The following FGFR2 variants were observed in gnomAD, a reference collection of about 807,000 sequenced individuals.
FGFR2 encodes the protein BEK fibroblast growth factor receptor.
Under a neutral mutation model 95.9 loss-of-function variants are expected in FGFR2, and 19 were observed. The ratio of observed to expected loss-of-function variants is 0.20; its 90% confidence interval spans 0.14 to 0.29. The LOEUF is 0.29. FGFR2 is among the 10% of genes least tolerant of loss of function. The pLI is 1.00. For missense variants in FGFR2, 707 were observed against 1,056.9 expected, an observed-to-expected ratio of 0.67 and a Z score of 4.59; for synonymous variants, 392 against 393.3, an observed-to-expected ratio of 1.00 and a Z score of 0.04.
At chr10:121,487,808 C>T (rs183142333) in intron 14 of FGFR2, among the ~76,000 whole-genome samples, 183 bp downstream of exon 14, 3 of 152,288 alleles carry the variant, frequency 2.0e-5, no homozygotes, top group Non-Finnish European at 4.4e-5. Context: ...CTAAAATTGA[C>T]ATAATAGAGG....
chr10:121,550,212 T>C (rs1158929855), intron 5 of FGFR2, among the ~76,000 whole-genome samples: 1 of 152,148 alleles, frequency 6.6e-6, no homozygotes, highest in African/African-American at 2.4e-5. Context: ...TCCATGTACA[T>C]CCATGGGATG....
rs543338117 is a variant in FGFR2 at position 121,562,829 on chromosome 10, G to C, written c.454+1673C>G. Reference sequence around the variant, plus strand: ...TGCAGGTTCATCAACTGGAACAGATGTACCATTCTGGTGGGGATGTTGATA... The same window carrying C: ...TGCAGGTTCATCAACTGGAACAGATCTACCATTCTGGTGGGGATGTTGATA... On this transcript the variant is annotated intron_variant, in intron 4 of 17. Transcript: ENST00000358487. Among the ~76,000 whole-genome samples the C allele has an allele frequency of 2.0e-5, 3 of 152,362 alleles. No homozygotes were observed. The South Asian group carries it at 6.2e-4, about 32-fold the overall frequency.
chr10:121,590,106 AG>A lies in FGFR2; in HGVS notation c.109+3602del, dbSNP rs1371634082. Among the ~76,000 whole-genome samples, 6 of 152,266 alleles carry A rather than the reference AG, an allele frequency of 3.9e-5. No homozygotes were observed. In the South Asian group the frequency reaches 1.2e-3, roughly 32 times the overall value. Reference sequence around the variant, plus strand: ...CTGGACCAACTCACGTTGGTCCAGGAGAGCATCACCTCTCAGAAGATTGACA... The same window carrying A: ...CTGGACCAACTCACGTTGGTCCAGGAAGCATCACCTCTCAGAAGATTGACA... On this transcript the variant is annotated intron_variant, in intron 2 of 17. Transcript: ENST00000358487.
rs531433936 is a variant in FGFR2, at chr10:121,480,338, A to C, written c.2302-317T>G. ...CTATTGACAGGTAGAGAACAATAAA[A>C]CCTAGTTGAGCTATAGGTGCTGGGC... On this transcript the variant is annotated intron_variant, in intron 17 of 17. Transcript: ENST00000358487. 3.5e-4 allele frequency: 158 copies of C among 447,128 alleles called. 2 individuals carry two copies. Among genetic ancestry groups the C allele is most frequent in the South Asian group, 3.3e-3 (154 of 46,504 alleles). 27.7% of individuals were successfully genotyped at this position (447,128 alleles called of 1,614,324 possible). A position where few individuals can be genotyped will look rare whatever the true frequency, so the allele number is the denominator to read the frequency against.
Position 121,547,522 on chromosome 10 carries a change from G to C in FGFR2, c.624+3768C>G, listed in dbSNP as rs542720678. Among the ~76,000 whole-genome samples, 685 of 151,716 alleles carry C rather than the reference G, an allele frequency of 4.5e-3. 5 individuals carry two copies. The highest frequency in any genetic ancestry group is 0.016 in the African/African-American group (667 of 41,306). On this transcript the variant is annotated intron_variant, in intron 5 of 17. Transcript: ENST00000358487. The stretch of plus-strand genomic sequence containing the variant: ...CGATCCTCCCACCTCAGCTGCTTGA[G>C]TAGCTGGGACTACAGGTGAGCACTA...
At chr10:121,533,680 C>T (rs1286436513) in intron 6 of FGFR2, among the ~76,000 whole-genome samples, 1 of 152,210 alleles carries the variant, frequency 6.6e-6, no homozygotes, top group African/African-American at 2.4e-5. Flanking sequence ...GGTGGGGTGA[C>T]AGCAGCACCT....
chr10:121,527,952 T>G (rs1851610778), intron 6 of FGFR2: 1 of 152,310 alleles, frequency 6.6e-6, no homozygotes, highest in African/African-American at 2.4e-5. Context: ...GATTATCAGC[T>G]GGTGTCTGCA....
At chr10:121,528,650 G>C (rs1486370789) in intron 6 of FGFR2, among the ~76,000 whole-genome samples, 1 of 152,166 alleles carries the variant, frequency 6.6e-6, no homozygotes, top group Non-Finnish European at 1.5e-5. Flanking sequence ...TAACATGAGA[G>C]GCTGAACAAT....
intron 5 of FGFR2, among the ~76,000 whole-genome samples, chr10:121,550,184 C>T (rs1190410249): frequency 6.6e-6 from 1 of 152,198 alleles, no homozygotes; most frequent in African/African-American, 2.4e-5. Flanking sequence ...CTTCCAAACG[C>T]CAATCCAATA....
intron 10 of FGFR2, among the ~76,000 whole-genome samples, chr10:121,502,279 T>C (rs890135299): frequency 6.6e-6 from 1 of 152,328 alleles, no homozygotes; most frequent in East Asian, 1.9e-4. Context: ...AACATCCATT[T>C]CTCCACATCC....
intron 5 of FGFR2, among the ~76,000 whole-genome samples, chr10:121,544,244 G>A (rs1001024705): frequency 1.3e-5 from 2 of 151,952 alleles, no homozygotes; most frequent in Admixed American, 6.6e-5. Context: ...TCAGGAGATC[G>A]AGACCAGCCT....
In FGFR2 at chr10:121,512,180, A is replaced by G. The variant is rs369651958; in HGVS notation, c.1287+2937T>C. On this transcript the variant is annotated intron_variant, in intron 9 of 17. Transcript: ENST00000358487. ...GACACATCTGATTAGAGGCTCAGGT[A>G]AAGGCATGCTTGGCATCCCTGTGGT... Among the ~76,000 whole-genome samples, 36 of 152,322 alleles carry G rather than the reference A, an allele frequency of 2.4e-4. No homozygotes were observed. In the South Asian group the frequency reaches 7.1e-3, roughly 30 times the overall value.
At chr10:121,519,913 A>C in intron 7 of FGFR2, 66 bp downstream of exon 7, 1 of 1,495,288 alleles carries the variant, frequency 6.7e-7, no homozygotes, top group Non-Finnish European at 9.3e-7. Context: ...GAAATCAAAG[A>C]ACCTGTGGCC....
chr10:121,488,634 G>A (rs907391539), intron 13 of FGFR2, among the ~76,000 whole-genome samples: 64 of 152,116 alleles, frequency 4.2e-4, no homozygotes, highest in Non-Finnish European at 5.9e-4. Flanking sequence ...CGGAGAGCCT[G>A]GATCACGACA....
chr10:121,591,055 C>T (rs1338225543), intron 2 of FGFR2, among the ~76,000 whole-genome samples: 2 of 152,082 alleles, frequency 1.3e-5, no homozygotes, highest in African/African-American at 4.8e-5. Flanking sequence ...AGCACAGAGC[C>T]TAAACCTGAG....
At chr10:121,541,529 T>C (rs1208415576) in intron 5 of FGFR2, among the ~76,000 whole-genome samples, 2 of 152,212 alleles carry the variant, frequency 1.3e-5, no homozygotes, top group African/African-American at 4.8e-5. Context: ...CGACGTAATA[T>C]ATACAACGCG....
chr10:121,484,955 G>T (rs1356874233), intron 16 of FGFR2, among the ~76,000 whole-genome samples: 7 of 152,164 alleles, frequency 4.6e-5, no homozygotes, highest in African/African-American at 1.7e-4. Context: ...CCAGGCGGGG[G>T]CCAGGCACAA....
intron 4 of FGFR2, among the ~76,000 whole-genome samples, chr10:121,556,431 C>CTCTCTG (rs1207024727): frequency 1.7e-4 from 25 of 151,148 alleles, no homozygotes; most frequent in African/African-American, 5.6e-4. Flanking sequence ...CTCTCTCTCT[C>CTCTCTG]TCTGGAACCA....
chr10:121,524,897 T>C (rs933902545), intron 6 of FGFR2, among the ~76,000 whole-genome samples: 3 of 152,162 alleles, frequency 2.0e-5, no homozygotes, highest in Non-Finnish European at 2.9e-5. Context: ...CAAACTGATA[T>C]AAAAAGAATC....
Sources: allele counts gnomAD v4.1 joint callset (sites outside exome capture counted in the v4.1 genomes callset), GRCh38; gene constraint gnomAD v4.1.1; transcripts MANE v1.5; gene names NCBI Gene and HGNC (gene_info 2026-07-23, HGNC 2026-07-21).